FGF14: variants seen among roughly 807,000 people sequenced by gnomAD.
FGF14 encodes fibroblast growth factor homologous factor 4.
Under a neutral mutation model 25.5 loss-of-function variants are expected in FGF14, and 5 were observed. That is an observed-to-expected ratio of 0.20 (90% CI 0.10 to 0.41). The LOEUF is 0.41. Ranked by LOEUF, FGF14 falls within the 10% of genes least tolerant of loss-of-function variation. The probability of loss-of-function intolerance (pLI) is 1.00; values close to 1 mark genes in which losing one functional copy is unlikely to be tolerated. For synonymous variants in FGF14, 138 were observed against 118.3 expected (o/e 1.17, Z -1.08); for missense variants, 222 against 320.1 (o/e 0.69, Z 2.34).
At chr13:102,379,579 A>G (rs1201076581) in intron 1 of FGF14, among the ~76,000 whole-genome samples, 1 of 151,980 alleles carries the variant, frequency 6.6e-6, no homozygotes, top group Admixed American at 6.6e-5. Context: ...AGAGAAAGAG[A>G]GATAGTTCAG....
At chr13:101,846,009 G>C (rs934581382) in intron 3 of FGF14, among the ~76,000 whole-genome samples, 10 of 151,924 alleles carry the variant, frequency 6.6e-5, no homozygotes, top group African/African-American at 2.4e-4. Flanking sequence ...TTCACTCAAA[G>C]TCCAGTGGAC....
chr13:101,736,890 C>T (rs979810544), intron 3 of FGF14, among the ~76,000 whole-genome samples: 4 of 151,310 alleles, frequency 2.6e-5, no homozygotes, highest in Non-Finnish European at 5.9e-5. Context: ...CAAAACAATA[C>T]AGTTCTAAAA....
At chr13:101,770,727 T>C (rs1026988760) in intron 3 of FGF14, among the ~76,000 whole-genome samples, 2 of 152,132 alleles carry the variant, frequency 1.3e-5, no homozygotes, top group South Asian at 2.1e-4. Context: ...AATAGTAAGA[T>C]ACTAAACCTG....
chr13:102,163,312 T>C (rs2047859518), intron 1 of FGF14, among the ~76,000 whole-genome samples: 1 of 152,158 alleles, frequency 6.6e-6, no homozygotes, highest in Non-Finnish European at 1.5e-5. Context: ...CCACATGCCA[T>C]GCCTTGTGTA....
At chr13:101,954,636 G>T (rs1363344380) in intron 1 of FGF14, among the ~76,000 whole-genome samples, 1 of 152,158 alleles carries the variant, frequency 6.6e-6, no homozygotes, top group East Asian at 1.9e-4. Context: ...ACCTGTGTAG[G>T]CTGAGCTATG....
chr13:101,945,615 C>A (rs528012946), intron 1 of FGF14, among the ~76,000 whole-genome samples: 4 of 152,252 alleles, frequency 2.6e-5, no homozygotes, highest in African/African-American at 7.2e-5. Flanking sequence ...CCCATGGTCA[C>A]CCCATATTAC....
At chr13:101,966,915 A>G (rs2037242519) in intron 1 of FGF14, among the ~76,000 whole-genome samples, 1 of 152,238 alleles carries the variant, frequency 6.6e-6, no homozygotes, top group Non-Finnish European at 1.5e-5. Flanking sequence ...ATATAATGAA[A>G]GAAACTTAAA....
intron 1 of FGF14, among the ~76,000 whole-genome samples, chr13:102,119,352 G>A (rs2045614261): frequency 6.6e-6 from 1 of 152,152 alleles, no homozygotes; most frequent in South Asian, 2.1e-4. Flanking sequence ...AGGGTAACTA[G>A]GGAGATTGTT....
chr13:101,804,024 C>A (rs902709732), intron 3 of FGF14, among the ~76,000 whole-genome samples: 6 of 151,202 alleles, frequency 4.0e-5, no homozygotes, highest in African/African-American at 1.5e-4. Context: ...TTCGAAGGAA[C>A]CACAATATTT....
intron 2 of FGF14, among the ~76,000 whole-genome samples, chr13:101,870,185 T>C (rs1327166734): frequency 1.3e-5 from 2 of 152,160 alleles, no homozygotes. Flanking sequence ...ATTTCCATTA[T>C]TTAATATTAA....
chr13:101,909,604 G>A (rs1386651264), intron 1 of FGF14, among the ~76,000 whole-genome samples: 1 of 152,198 alleles, frequency 6.6e-6, no homozygotes, highest in African/African-American at 2.4e-5. Flanking sequence ...AGGTGATAGA[G>A]AGGATGTGGA....
At chr13:101,945,739 T>C (rs1467508439) in intron 1 of FGF14, among the ~76,000 whole-genome samples, 1 of 152,216 alleles carries the variant, frequency 6.6e-6, no homozygotes, top group Non-Finnish European at 1.5e-5. Flanking sequence ...TGGGTATTCC[T>C]GACCTGCCAA....
In FGF14 at chr13:101,892,440, A is replaced by C. The variant is rs140005529; in HGVS notation, c.194-17144T>G. On this transcript the variant is annotated intron_variant, in intron 1 of 4. Coordinates refer to ENST00000376143, the MANE Select transcript of FGF14 (RefSeq NM_004115.4). Reference sequence around the variant, plus strand: ...AGATCAAAACATTCTTAACTTGATAATTCTTTTAACAGCAGAGAGGAAATC... The same window carrying C: ...AGATCAAAACATTCTTAACTTGATACTTCTTTTAACAGCAGAGAGGAAATC... Among the ~76,000 whole-genome samples the C allele has an allele frequency of 1.9e-3, 283 of 152,316 alleles. 2 individuals carry two copies. The highest frequency in any genetic ancestry group is 3.4e-3 in the Middle Eastern group (1 of 294).
chr13:102,087,575 CTT>C (rs1166446102), intron 1 of FGF14, among the ~76,000 whole-genome samples: 199 of 79,854 alleles, frequency 2.5e-3, no homozygotes, highest in Middle Eastern at 0.011. Context: ...CCATGCCTGG[CTT>C]TTTTTTTTTT....
intron 1 of FGF14, among the ~76,000 whole-genome samples, chr13:101,982,928 T>TATAC (rs1395557982): frequency 6.6e-6 from 1 of 152,152 alleles, no homozygotes; most frequent in Admixed American, 6.6e-5. Flanking sequence ...AGAGACAAGG[T>TATAC]ATACATGAAA....
chr13:101,720,530 C>CTG lies in FGF14; in HGVS notation c.*2299_*2300dup, dbSNP rs56200654. 0.056 allele frequency: 8,196 copies of CTG among 147,574 alleles called. 310 individuals carry two copies. Among genetic ancestry groups the CTG allele is most frequent in the Admixed American group, 0.12 (1,836 of 14,738 alleles). The allele number at this position is 147,574 out of a possible 1,614,324, so 9.1% of individuals were successfully genotyped here. ...TAACAAATAGATGGGGGTGTTTGCT[C>CTG]TGTGTGTGTGTGTGTGTGTGTGTGT... On this transcript the variant is annotated 3_prime_UTR_variant, in exon 5 of 5. Coordinates refer to ENST00000376143, the MANE Select transcript of FGF14 (RefSeq NM_004115.4).
At chr13:101,933,666 G>A (rs2034911272) in intron 1 of FGF14, among the ~76,000 whole-genome samples, 1 of 152,194 alleles carries the variant, frequency 6.6e-6, no homozygotes, top group Non-Finnish European at 1.5e-5. Flanking sequence ...AGAGGTTGCA[G>A]TCAGCCAAGA....
chr13:101,861,056 T>G (rs933213891), intron 3 of FGF14, among the ~76,000 whole-genome samples: 1 of 152,138 alleles, frequency 6.6e-6, no homozygotes, highest in Non-Finnish European at 1.5e-5. Context: ...TCTCAAGACC[T>G]CATGTTATTT....
At chr13:102,202,920 G>C (rs2049730184) in intron 1 of FGF14, among the ~76,000 whole-genome samples, 1 of 152,156 alleles carries the variant, frequency 6.6e-6, no homozygotes, top group South Asian at 2.1e-4. Flanking sequence ...GGGCAAAGGA[G>C]CCCACAGGCC....
Sources: gnomAD v4.1 joint callset for allele counts (sites outside exome capture counted in the v4.1 genomes callset) on GRCh38, gnomAD v4.1.1 for gene constraint, MANE v1.5 for transcripts, NCBI Gene and HGNC (gene_info 2026-07-23, HGNC 2026-07-21) for gene names.